GUCA1B: variants seen among roughly 807,000 people sequenced by gnomAD.
GUCA1B encodes the protein guanylyl cyclase-activating protein 2.
In GUCA1B, 22 loss-of-function variants were observed where a neutral mutation model predicts 24.2. That is an observed-to-expected ratio of 0.91 (90% confidence interval 0.65 to 1.30). GUCA1B has a LOEUF of 1.30. GUCA1B is among the 50% of genes most tolerant of loss of function. The pLI is 0.00. For synonymous variants in GUCA1B, 100 were observed against 97.9 expected, an observed-to-expected ratio of 1.02 and a Z score of -0.13; for missense variants, 221 against 258.8, an observed-to-expected ratio of 0.85 and a Z score of 1.00.
chr6:42,192,839 C>T (rs1462126533), intron 1 of GUCA1B, among the ~76,000 whole-genome samples: 2 of 152,060 alleles, frequency 1.3e-5, no homozygotes, highest in Non-Finnish European at 2.9e-5. Flanking sequence ...CCGCAAAGAG[C>T]TGAAATCATG....
At chr6:42,192,356 A>C (rs1278740614) in intron 1 of GUCA1B, among the ~76,000 whole-genome samples, 4 of 5,530 alleles carry the variant, frequency 7.2e-4, no homozygotes, top group African/African-American at 2.0e-3. Flanking sequence ...TCCAACTCAA[A>C]AAAAAAAAAA....
At chr6:42,192,353 C>CAAAAAAAAAAAAAAAAAAA (rs552941208) in intron 1 of GUCA1B, among the ~76,000 whole-genome samples, 1 of 57,194 alleles carries the variant, frequency 1.7e-5, no homozygotes, top group Admixed American at 3.0e-4. Flanking sequence ...GACTCCAACT[C>CAAAAAAAAAAAAAAAAAAA]AAAAAAAAAA....
chr6:42,194,946 C>T lies in GUCA1B; in HGVS notation c.-126G>A. ...GGCCTGATCAGCCTCTCCATCATCT[C>T]CTGGGTGACTGAACATGATCAGTCG... On this transcript the variant is annotated 5_prime_UTR_variant, in exon 1 of 4. Transcript: ENST00000230361. 1 of 740,450 alleles carries T rather than the reference C, an allele frequency of 1.4e-6. No homozygotes were observed. The highest frequency in any genetic ancestry group is 1.5e-5 in the South Asian group (1 of 67,428). 45.9% of individuals were successfully genotyped at this position (740,450 alleles called of 1,614,324 possible). A position where few individuals can be genotyped will look rare whatever the true frequency, so the allele number is the denominator to read the frequency against.
rs542413410 is a variant in GUCA1B, at chr6:42,188,576, A to G, written c.357+6T>C. 2.9e-5 allele frequency: 47 copies of G among 1,614,028 alleles called. No homozygotes were observed. The Admixed American group carries it at 6.3e-4, about 22-fold the overall frequency. On this transcript the variant is annotated splice_donor_region_variant and intron_variant, in intron 2 of 3. Transcript: ENST00000230361. ...AGGCTGCTGGCCCATGGGCAGAGAC[A>G]CTAACCTCCACAATGTTGAGTAGCT... is the stretch of plus-strand genomic sequence containing the variant.
chr6:42,192,949 T>TA (rs967604850), intron 1 of GUCA1B, among the ~76,000 whole-genome samples: 3 of 152,122 alleles, frequency 2.0e-5, no homozygotes, highest in Non-Finnish European at 2.9e-5. Flanking sequence ...AGCTTTCTCT[T>TA]AAAAAAAGTA....
rs143865611 is a variant in GUCA1B, at chr6:42,190,361, A to ATTTTTT, written c.208-1636_208-1631dup. Reference sequence around the variant, plus strand: ...AAAATTAGTTAAAATGTCAACTTCCATTTTTTTTTTTTTTTTTGGTGGGGA... The same window carrying ATTTTTT: ...AAAATTAGTTAAAATGTCAACTTCCATTTTTTTTTTTTTTTTTTTTTTTGGTGGGGA... On this transcript the variant is annotated intron_variant, in intron 1 of 3. Coordinates refer to ENST00000230361, the MANE Select transcript of GUCA1B (RefSeq NM_002098.6). Among the ~76,000 whole-genome samples, 613 of 122,998 alleles carry ATTTTTT rather than the reference A, an allele frequency of 5.0e-3. 8 individuals are homozygous for ATTTTTT. The highest frequency in any genetic ancestry group is 0.016 in the African/African-American group (483 of 30,704). 80.7% of individuals were successfully genotyped at this position (122,998 alleles called of 152,430 possible).
rs369454943 is a variant in GUCA1B, at chr6:42,183,870, A to G, written c.*945T>C. Among the ~76,000 whole-genome samples, 12 of 152,318 alleles carry G rather than the reference A, an allele frequency of 7.9e-5. No individual in the cohort carries two copies. Among genetic ancestry groups the G allele is most frequent in the African/African-American group, 2.6e-4 (11 of 41,556 alleles). On this transcript the variant is annotated 3_prime_UTR_variant, in exon 4 of 4. Transcript: ENST00000230361. ...AGCAGGGGGTCCCAGAGCAGCACCCAGGCAGAGCTGAAACAGTCCCTTTAA... is the reference window on the plus strand; with the variant it reads ...AGCAGGGGGTCCCAGAGCAGCACCCGGGCAGAGCTGAAACAGTCCCTTTAA...
chr6:42,188,446 A>G, intron 2 of GUCA1B, 136 bp downstream of exon 2: 1 of 741,936 alleles, frequency 1.3e-6, no homozygotes. Flanking sequence ...CACACTCAGA[A>G]TGAGAACACA....
intron 1 of GUCA1B, among the ~76,000 whole-genome samples, chr6:42,189,656 G>A (rs1359547900): frequency 1.3e-5 from 2 of 152,242 alleles, no homozygotes; most frequent in African/African-American, 4.8e-5. Context: ...GGAGCGCAGA[G>A]CTCAGGTGCT....
At chr6:42,185,935 C>T (rs1226381521) in intron 2 of GUCA1B, 138 bp from the exon 3 acceptor site, 2 of 707,654 alleles carry the variant, frequency 2.8e-6, no homozygotes, top group Non-Finnish European at 5.2e-6. Context: ...AATCTGGATC[C>T]AGATCAAAAC....
At chr6:42,189,833 G>A (rs973297639) in intron 1 of GUCA1B, among the ~76,000 whole-genome samples, 2 of 152,230 alleles carry the variant, frequency 1.3e-5, no homozygotes, top group African/African-American at 4.8e-5. Context: ...TGTTTGGGGT[G>A]ACAGGCTGCT....
Position 42,184,594 on chromosome 6 carries a change from C to T in GUCA1B, c.*221G>A. On this transcript the variant is annotated 3_prime_UTR_variant, in exon 4 of 4. Coordinates refer to ENST00000230361, the MANE Select transcript of GUCA1B (RefSeq NM_002098.6). ...AGGAGCGGCTGAACAGGAAAAGTAA[C>T]TGAATTCCCTTCACCATCCCAGGGA... 1 of 602,768 alleles carries T rather than the reference C, an allele frequency of 1.7e-6. No individual in the cohort carries two copies. Among genetic ancestry groups the T allele is most frequent in the African/African-American group, 1.8e-5 (1 of 55,030 alleles). 37.3% of individuals were successfully genotyped at this position (602,768 alleles called of 1,614,324 possible).
intron 2 of GUCA1B, among the ~76,000 whole-genome samples, chr6:42,186,799 C>T (rs1247760018): frequency 6.6e-6 from 1 of 152,108 alleles, no homozygotes; most frequent in Non-Finnish European, 1.5e-5. Flanking sequence ...AAATCCAGCC[C>T]CAGCACTTCC....
chr6:42,187,048 G>A (rs182872934), intron 2 of GUCA1B, among the ~76,000 whole-genome samples: 115 of 152,234 alleles, frequency 7.6e-4, no homozygotes, highest in South Asian at 1.7e-3. Flanking sequence ...ATGCATTTGT[G>A]TTTTCTATTT....
chr6:42,185,756 T>C lies in GUCA1B; in HGVS notation c.399A>G (p.Gln133=), dbSNP rs34923273. 1,611 of 1,613,572 alleles carry C rather than the reference T, an allele frequency of 1.0e-3. 12 individuals carry two copies. In the African/African-American group the frequency reaches 0.018, roughly 18 times the overall value. ...QLKKACRREL[Q]TEQGQLLTPE... ...GTGTGAGCAGCTGGCCTTGCTCAGTTTGTAGCTCTCGCCGGCAGGCTTTCT... is the reference window on the plus strand; with the variant it reads ...GTGTGAGCAGCTGGCCTTGCTCAGTCTGTAGCTCTCGCCGGCAGGCTTTCT... Residue 133 remains glutamine (Q), a synonymous_variant, in exon 3 of 4, where the codon CAA becomes CAG. Coordinates refer to ENST00000230361, the MANE Select transcript of GUCA1B (RefSeq NM_002098.6).
chr6:42,191,015 T>C (rs1190208095), intron 1 of GUCA1B, among the ~76,000 whole-genome samples: 1 of 152,170 alleles, frequency 6.6e-6, no homozygotes, highest in Non-Finnish European at 1.5e-5. Context: ...CCCAGGACCA[T>C]TTCTGGGAAA....
chr6:42,191,118 C>G (rs1768296420), intron 1 of GUCA1B, among the ~76,000 whole-genome samples: 1 of 152,150 alleles, frequency 6.6e-6, no homozygotes, highest in South Asian at 2.1e-4. Context: ...ATGGCTCTGT[C>G]TACTCAGGAA....
At chr6:42,191,230 G>C (rs1165840257) in intron 1 of GUCA1B, among the ~76,000 whole-genome samples, 1 of 152,098 alleles carries the variant, frequency 6.6e-6, no homozygotes, top group African/African-American at 2.4e-5. Flanking sequence ...TGTTATATAA[G>C]AATCCTAAAT....
chr6:42,188,592 T>G lies in GUCA1B; in HGVS notation c.347A>C (p.Asn116Thr). The G allele has an allele frequency of 1.2e-6, 2 of 1,614,114 alleles. No homozygotes were observed. Among genetic ancestry groups the G allele is most frequent in the South Asian group, 2.2e-5 (2 of 91,086 alleles). ...GGCAGAGACACTAACCTCCACAATG[T>G]TGAGTAGCTCCAGGCGGTCGATGCA... The part of the protein sequence containing the change: ...NGCIDRLELL[N>T]IVEGIYQLKK... Residue 116 changes from asparagine (N) to threonine (T), a missense_variant, in exon 2 of 4, where the codon AAC becomes ACC. By Grantham distance (65) the Asn-to-Thr change is moderately conservative. Transcript: ENST00000230361.
Sources: allele counts gnomAD v4.1 joint callset (sites outside exome capture counted in the v4.1 genomes callset), GRCh38; gene constraint gnomAD v4.1.1; transcripts MANE v1.5; gene names NCBI Gene and HGNC (gene_info 2026-07-23, HGNC 2026-07-21).